SMG9: variants seen among roughly 807,000 people sequenced by gnomAD.
SMG9 encodes the protein SMG9 nonsense mediated mRNA decay factor, also known as nonsense-mediated mRNA decay factor SMG9.
SMG9 carries 55 observed loss-of-function variants against 64.0 expected under a neutral mutation model. The observed-to-expected ratio is 0.86, with a 90% CI of 0.69 to 1.08. The LOEUF (loss-of-function observed/expected upper bound fraction) is 1.08. Ranked by LOEUF, SMG9 falls within the 50% of genes least tolerant of loss-of-function variation. SMG9 has a pLI of 0.00. For synonymous variants in SMG9, 244 were observed against 254.8 expected, an observed-to-expected ratio of 0.96 and a Z score of 0.41; for missense variants, 554 against 681.3, an observed-to-expected ratio of 0.81 and a Z score of 2.08.
chr19:43,749,797 G>A (rs931386689), intron 2 of SMG9, among the ~76,000 whole-genome samples: 18 of 152,342 alleles, frequency 1.2e-4, no homozygotes, highest in African/African-American at 4.3e-4. Flanking sequence ...CCAGCCCAGG[G>A]CGCTCTCTAC....
At chr19:43,733,134 C>A in intron 12 of SMG9, 132 bp from the exon 13 acceptor site, 1 of 1,312,554 alleles carries the variant, frequency 7.6e-7, no homozygotes, top group Non-Finnish European at 1.0e-6. Flanking sequence ...TTCTATGACT[C>A]TGAAACACAC....
Position 43,729,123 on chromosome 19 carries a change from C to G in SMG9, c.*2473G>C. The G allele has an allele frequency of 1.2e-6, 1 of 806,292 alleles. No individual in the cohort carries two copies. The highest frequency in any genetic ancestry group is 1.5e-6 in the Non-Finnish European group (1 of 666,656). 49.9% of individuals were successfully genotyped at this position (806,292 alleles called of 1,614,324 possible). A position where few individuals can be genotyped will look rare whatever the true frequency, so the allele number is the denominator to read the frequency against. ...TCAGAAGGCTACTGCCAGTTTGACT[C>G]CTCTGTCAAACTGCCTCAACGAGCC... On this transcript the variant is annotated 3_prime_UTR_variant, in exon 14 of 14. Transcript: ENST00000270066.
In SMG9 at chr19:43,732,718, A is replaced by C. The variant is rs1047028164; in HGVS notation, c.1484+140T>G. The C allele has an allele frequency of 7.5e-5, 73 of 968,086 alleles. No homozygotes were observed. The African/African-American group carries it at 1.0e-3, about 14-fold the overall frequency. 60.0% of individuals were successfully genotyped at this position (968,086 alleles called of 1,614,324 possible). ...GGTGAGATGCTTACAAGACAGTAGC[A>C]ATCATCACTGTTCCAGAAAAGGAAC... is the stretch of plus-strand genomic sequence containing the variant. On this transcript the variant is annotated intron_variant, in intron 13 of 13. Transcript: ENST00000270066.
chr19:43,746,581 A>G (rs916725270), intron 5 of SMG9, among the ~76,000 whole-genome samples: 1 of 152,158 alleles, frequency 6.6e-6, no homozygotes, highest in Non-Finnish European at 1.5e-5. Flanking sequence ...CTGTGCTAAT[A>G]AGTCCAGGCT....
intron 2 of SMG9, among the ~76,000 whole-genome samples, chr19:43,749,535 AT>A (rs1447865938): frequency 1.3e-5 from 2 of 152,188 alleles, no homozygotes; most frequent in Admixed American, 6.5e-5. Context: ...ACGTGTTCTC[AT>A]TTACACTGTG....
chr19:43,738,460 T>A (rs1420944430), intron 7 of SMG9, among the ~76,000 whole-genome samples: 1 of 152,210 alleles, frequency 6.6e-6, no homozygotes, highest in African/African-American at 2.4e-5. Context: ...TTTGTGCTAA[T>A]GAATTTTTAA....
chr19:43,743,624 C>T (rs756624831), intron 6 of SMG9, among the ~76,000 whole-genome samples: 2 of 152,148 alleles, frequency 1.3e-5, no homozygotes, highest in Admixed American at 6.5e-5. Context: ...AGGAAGACGC[C>T]ATCTCTACCA....
Position 43,729,015 on chromosome 19 carries a change from A to C in SMG9, c.*2581T>G, listed in dbSNP as rs2146347178. The stretch of plus-strand genomic sequence containing the variant: ...AGCAGTATATCTAGCTGGTGTCCAC[A>C]GTGGCCTGCTGGCAGCATCAGCCTG... On this transcript the variant is annotated 3_prime_UTR_variant, in exon 14 of 14. Coordinates refer to ENST00000270066, the MANE Select transcript of SMG9 (RefSeq NM_019108.4). 1.0e-6 allele frequency: 1 copy of C among 985,624 alleles called. No homozygotes were observed. The highest frequency in any genetic ancestry group is 1.1e-4 in the East Asian group (1 of 8,816). 61.1% of individuals were successfully genotyped at this position (985,624 alleles called of 1,614,324 possible). A position where few individuals can be genotyped will look rare whatever the true frequency, so the allele number is the denominator to read the frequency against.
intron 5 of SMG9, among the ~76,000 whole-genome samples, chr19:43,747,198 G>A (rs1264022561): frequency 6.6e-6 from 1 of 151,396 alleles, no homozygotes; most frequent in African/African-American, 2.5e-5. Flanking sequence ...CAGGGGTCCT[G>A]GGGTGGTAGT....
chr19:43,735,917 T>C (rs1968651384), intron 9 of SMG9, among the ~76,000 whole-genome samples: 1 of 152,186 alleles, frequency 6.6e-6, no homozygotes, highest in Non-Finnish European at 1.5e-5. Context: ...CCAAGGAGTT[T>C]TATCTGTTTT....
At chr19:43,740,067 G>A in intron 7 of SMG9, 40 bp downstream of exon 7, 1 of 1,312,604 alleles carries the variant, frequency 7.6e-7, no homozygotes. Flanking sequence ...GCTCAATGCA[G>A]GATGTGGCAG....
chr19:43,744,655 A>T, intron 6 of SMG9, 117 bp downstream of exon 6: 1 of 654,688 alleles, frequency 1.5e-6, no homozygotes, highest in Non-Finnish European at 2.7e-6. Context: ...GGTCTACAGA[A>T]GAAAAGCAAC....
At chr19:43,751,128 G>C (rs1029281260) in intron 1 of SMG9, among the ~76,000 whole-genome samples, 2 of 151,430 alleles carry the variant, frequency 1.3e-5, no homozygotes, top group Non-Finnish European at 2.9e-5. Flanking sequence ...CCCAACCAAG[G>C]CTCTTCCTTT....
At chr19:43,750,300 G>C in intron 2 of SMG9, 1 of 597,114 alleles carries the variant, frequency 1.7e-6, no homozygotes, top group Non-Finnish European at 3.2e-6. Flanking sequence ...CCACCTCAGG[G>C]CCTCTGCGCT....
At chr19:43,752,384 G>C (rs1969217075) in intron 1 of SMG9, among the ~76,000 whole-genome samples, 1 of 152,176 alleles carries the variant, frequency 6.6e-6, no homozygotes, top group Admixed American at 6.6e-5. Context: ...AACTCAGTGG[G>C]GCTATCTGCT....
Position 43,737,636 on chromosome 19 carries a change from AT to A in SMG9, c.955del (p.Ile319LeufsTer22). ...AFLFTVCHVV[I>X]VVQDWFTDLS... is the part of the protein sequence containing the mutation. ...GTCTGTGAACCAGTCCTGGACAACA[AT>A]CACCACATGGCAGACCGTGAAAAGG... On this transcript the variant is annotated frameshift_variant, in exon 9 of 14. Coordinates refer to ENST00000270066, the MANE Select transcript of SMG9 (RefSeq NM_019108.4). LOFTEE classifies it high-confidence loss of function. 1 of 1,614,004 alleles carries A rather than the reference AT, an allele frequency of 6.2e-7. No homozygotes were observed. Among genetic ancestry groups the A allele is most frequent in the Non-Finnish European group, 8.5e-7 (1 of 1,179,944 alleles).
chr19:43,741,198 A>G (rs1968834960), intron 6 of SMG9, among the ~76,000 whole-genome samples: 1 of 152,256 alleles, frequency 6.6e-6, no homozygotes, highest in Non-Finnish European at 1.5e-5. Context: ...GCAGTGCTCC[A>G]AGTGCAGATT....
Position 43,731,040 on chromosome 19 carries a change from G to A in SMG9, c.*556C>T. ...CAGGAAACAGAATAACCCCTTCTAG[G>A]GACTTCTTAGCAGAGACTGATCTCC... On this transcript the variant is annotated 3_prime_UTR_variant, in exon 14 of 14. Coordinates refer to ENST00000270066, the MANE Select transcript of SMG9 (RefSeq NM_019108.4). 7 of 850,274 alleles carry A rather than the reference G, an allele frequency of 8.2e-6. No homozygotes were observed. Among genetic ancestry groups the A allele is most frequent in the Non-Finnish European group, 9.9e-6 (7 of 706,614 alleles). 52.7% of individuals were successfully genotyped at this position (850,274 alleles called of 1,614,324 possible).
At chr19:43,744,705 GC>G in intron 6 of SMG9, 66 bp downstream of exon 6, 1 of 1,193,212 alleles carries the variant, frequency 8.4e-7, no homozygotes, top group Non-Finnish European at 1.2e-6. Flanking sequence ...AAACACCCAA[GC>G]CCACCTTGCC....
Sources: allele counts gnomAD v4.1 joint callset (sites outside exome capture counted in the v4.1 genomes callset), GRCh38; gene constraint gnomAD v4.1.1; transcripts MANE v1.5; gene names NCBI Gene and HGNC (gene_info 2026-07-23, HGNC 2026-07-21).